CNKSR3: variants seen among roughly 807,000 people sequenced by gnomAD.
CNKSR3 encodes CNKSR family member 3, also known as connector enhancer of kinase suppressor of ras 3.
CNKSR3 carries 36 observed loss-of-function variants against 67.7 expected under a neutral mutation model. The ratio of observed to expected loss-of-function variants is 0.53; its 90% CI spans 0.41 to 0.70. CNKSR3 has a LOEUF of 0.70. CNKSR3 is among the 30% of genes least tolerant of loss of function. The pLI, the probability that CNKSR3 is intolerant of heterozygous loss-of-function variation, is 0.00. For missense variants in CNKSR3, 630 were observed against 695.2 expected, an observed-to-expected ratio of 0.91 and a Z score of 1.05; for synonymous variants, 281 against 271.4, an observed-to-expected ratio of 1.04 and a Z score of -0.35.
At chr6:154,409,419 G>A (rs928671329) in intron 12 of CNKSR3, among the ~76,000 whole-genome samples, 1 of 152,116 alleles carries the variant, frequency 6.6e-6, no homozygotes, top group Admixed American at 6.5e-5. Context: ...TTTGATTACA[G>A]GGTGAATTAA....
chr6:154,428,263 T>C (rs1198104637), intron 6 of CNKSR3, 76 bp from the exon 7 acceptor site: 14 of 902,172 alleles, frequency 1.6e-5, no homozygotes, highest in Non-Finnish European at 2.4e-5. Context: ...CTTAAACTTA[T>C]AAAACATTAA....
At chr6:154,468,061 T>A (rs1396815815) in intron 1 of CNKSR3, among the ~76,000 whole-genome samples, 2 of 96,866 alleles carry the variant, frequency 2.1e-5, no homozygotes, top group Admixed American at 1.1e-4. Flanking sequence ...CGCCTAGGCT[T>A]TTTTTTTTTC....
rs560341612 is a variant in CNKSR3, at chr6:154,433,377, A to C, written c.549+89T>G. ...AGCCAATATTTCAAAGTATCTCCTG[A>C]AGTAATTAGCCACAGGGCATTTACT... is the stretch of plus-strand genomic sequence containing the variant. On this transcript the variant is annotated intron_variant, in intron 5 of 12. Transcript: ENST00000607772. The C allele has an allele frequency of 1.5e-5, 13 of 862,504 alleles. No individual in the cohort carries two copies. The African/African-American group carries it at 2.2e-4, about 15-fold the overall frequency. 53.4% of individuals were successfully genotyped at this position (862,504 alleles called of 1,614,324 possible). A position where few individuals can be genotyped will look rare whatever the true frequency, so the allele number is the denominator to read the frequency against.
chr6:154,410,083 C>A (rs1317290488), intron 12 of CNKSR3, among the ~76,000 whole-genome samples: 1 of 152,080 alleles, frequency 6.6e-6, no homozygotes, highest in Admixed American at 6.6e-5. Context: ...CCATTAAAGT[C>A]TATAGCCTTT....
At chr6:154,452,101 T>C (rs1203716706) in intron 1 of CNKSR3, among the ~76,000 whole-genome samples, 3 of 152,064 alleles carry the variant, frequency 2.0e-5, no homozygotes, top group African/African-American at 4.8e-5. Flanking sequence ...CAGGCAACCA[T>C]GACAAGGGAC....
intron 12 of CNKSR3, among the ~76,000 whole-genome samples, chr6:154,408,629 G>A (rs551780945): frequency 2.0e-5 from 3 of 152,296 alleles, no homozygotes; most frequent in Admixed American, 6.5e-5. Context: ...GCTGAAGAAG[G>A]ACGGAATTGG....
intron 1 of CNKSR3, among the ~76,000 whole-genome samples, chr6:154,477,476 A>ATT (rs11342441): frequency 1.4e-5 from 2 of 147,164 alleles, no homozygotes; most frequent in African/African-American, 5.0e-5. Flanking sequence ...AAGCCCAGCA[A>ATT]TTTTTTTTTT....
chr6:154,439,111 G>T (rs185855223), intron 4 of CNKSR3, among the ~76,000 whole-genome samples: 5 of 152,230 alleles, frequency 3.3e-5, no homozygotes, highest in African/African-American at 1.2e-4. Context: ...CTCTAGGCAC[G>T]TATCTCAAAC....
intron 1 of CNKSR3, among the ~76,000 whole-genome samples, chr6:154,468,342 A>G (rs12191378): frequency 0.063 from 9,459 of 151,088 alleles, 466 homozygotes; most frequent in Non-Finnish European, 0.09. Flanking sequence ...GATCTCCCAC[A>G]GGGCTGGAAT....
intron 1 of CNKSR3, among the ~76,000 whole-genome samples, chr6:154,477,700 C>T (rs959203778): frequency 6.6e-6 from 1 of 152,138 alleles, no homozygotes; most frequent in Admixed American, 6.5e-5. Flanking sequence ...TTAACTAGGC[C>T]AGCAAAGCTT....
At chr6:154,472,802 G>GA (rs36058734) in intron 1 of CNKSR3, among the ~76,000 whole-genome samples, 53 of 139,994 alleles carry the variant, frequency 3.8e-4, no homozygotes, top group African/African-American at 7.0e-4. Flanking sequence ...TCTTTAAAAG[G>GA]AAAAAAAAAA....
rs1187750912 is a variant in CNKSR3 at position 154,391,944 on chromosome 6, G to T, written c.*14410C>A. ...AAAAAGAATGTAGCTGGGCATGGTGGCTCATGCCTGTAATCCCAGCACTTT... is the reference window on the plus strand; with the variant it reads ...AAAAAGAATGTAGCTGGGCATGGTGTCTCATGCCTGTAATCCCAGCACTTT... On this transcript the variant is annotated 3_prime_UTR_variant, in exon 13 of 13. Transcript: ENST00000607772. 1.3e-5 allele frequency: 2 copies of T among 152,234 alleles called. No homozygotes were observed. The highest frequency in any genetic ancestry group is 2.9e-5 in the Non-Finnish European group (2 of 68,084). The allele number at this position is 152,234 out of a possible 1,614,324, so 9.4% of individuals were successfully genotyped here.
At chr6:154,502,961 T>C (rs1787028251) in intron 1 of CNKSR3, among the ~76,000 whole-genome samples, 1 of 152,054 alleles carries the variant, frequency 6.6e-6, no homozygotes, top group South Asian at 2.1e-4. Flanking sequence ...TTCCTCACAA[T>C]AAGGGGAATG....
At position 154,489,531 on chromosome 6, in the gene CNKSR3, AAAACAAAC is replaced by A. The variant is rs34366789; in HGVS notation, c.52+20524_52+20531del. ...GGGTGACCAAGTGAGAGTCCATCTCAAAACAAACAAACAAACAAACAAACAAACAAAGT... is the reference window on the plus strand; with the variant it reads ...GGGTGACCAAGTGAGAGTCCATCTCAAAACAAACAAACAAACAAACAAAGT... On this transcript the variant is annotated intron_variant, in intron 1 of 12. Coordinates refer to ENST00000607772, the MANE Select transcript of CNKSR3 (RefSeq NM_173515.4). 6.1e-4 allele frequency among the ~76,000 whole-genome samples: 92 copies of A among 150,932 alleles called. 1 individual carries two copies. The highest frequency in any genetic ancestry group is 1.6e-3 in the African/African-American group (67 of 41,134).
At chr6:154,454,104 C>CACACACACACACACACACACAG (rs1268729108) in intron 1 of CNKSR3, among the ~76,000 whole-genome samples, 4 of 116,340 alleles carry the variant, frequency 3.4e-5, no homozygotes, top group African/African-American at 6.9e-5. Flanking sequence ...CACACACACA[C>CACACACACACACACACACACAG]AGAGAGAGAG....
intron 9 of CNKSR3, among the ~76,000 whole-genome samples, chr6:154,420,516 C>T (rs1439139222): frequency 3.3e-5 from 5 of 151,210 alleles, no homozygotes; most frequent in African/African-American, 9.7e-5. Context: ...GGTGAAACCC[C>T]GTCTCTACTA....
chr6:154,434,686 T>C, intron 4 of CNKSR3, among the ~76,000 whole-genome samples: 1 of 152,208 alleles, frequency 6.6e-6, no homozygotes, highest in Non-Finnish European at 1.5e-5. Context: ...AAGAGCAGCC[T>C]AGAGAGAAAA....
chr6:154,489,203 T>C (rs1028069801), intron 1 of CNKSR3, among the ~76,000 whole-genome samples: 36 of 152,268 alleles, frequency 2.4e-4, no homozygotes, highest in African/African-American at 8.7e-4. Context: ...TCTGAGATGC[T>C]CACTGTATGT....
Position 154,441,291 on chromosome 6 carries a change from CCTT to C in CNKSR3, c.505_507del (p.Lys169del). The C allele has an allele frequency of 6.5e-7, 1 of 1,530,410 alleles. No homozygotes were observed. Among genetic ancestry groups the C allele is most frequent in the African/African-American group, 1.4e-5 (1 of 72,206 alleles). 94.8% of individuals were successfully genotyped at this position (1,530,410 alleles called of 1,614,324 possible). ...GAAAGTGAAAATGACATACTACTGA[CCTT>C]CTGGACTGTAGTGGTCAGGTCCAAG... On this transcript the variant is annotated inframe_deletion and splice_region_variant, in exon 4 of 13. Coordinates refer to ENST00000607772, the MANE Select transcript of CNKSR3 (RefSeq NM_173515.4).
Sources: allele counts gnomAD v4.1 joint callset (sites outside exome capture counted in the v4.1 genomes callset), GRCh38; gene constraint gnomAD v4.1.1; transcripts MANE v1.5; gene names NCBI Gene and HGNC (gene_info 2026-07-23, HGNC 2026-07-21).